DNAJB4: variants seen among roughly 807,000 people sequenced by gnomAD.
DNAJB4 encodes the protein DnaJ heat shock protein family (Hsp40) member B4.
A neutral mutation model predicts 26.6 loss-of-function variants in DNAJB4; 10 were observed. The observed-to-expected ratio is 0.38, with a 90% CI of 0.23 to 0.64. DNAJB4 has a LOEUF of 0.64. Among genes scored for constraint, DNAJB4 ranks in the 30% least tolerant of loss-of-function variants. The probability of loss-of-function intolerance (pLI) is 0.58; values close to 1 mark genes in which losing one functional copy is unlikely to be tolerated. For synonymous variants in DNAJB4, 136 were observed against 134.8 expected, an observed-to-expected ratio of 1.01 and a Z score of -0.06; for missense variants, 328 against 408.2, an observed-to-expected ratio of 0.80 and a Z score of 1.69.
rs1239601349 is a variant in DNAJB4, at chr1:78,017,603, A to G, written c.*1356A>G. 1 of 152,040 alleles carries G rather than the reference A, an allele frequency of 6.6e-6. No individual in the cohort carries two copies. Among genetic ancestry groups the G allele is most frequent in the Non-Finnish European group, 1.5e-5 (1 of 67,916 alleles). The allele number at this position is 152,040 out of a possible 1,614,324, so 9.4% of individuals were successfully genotyped here. A position where few individuals can be genotyped will look rare whatever the true frequency, so the allele number is the denominator to read the frequency against. On this transcript the variant is annotated 3_prime_UTR_variant, in exon 3 of 3. Transcript: ENST00000370763. ...GTGGTACAATCATCATCACTTTCTA[A>G]TTCCAGAATATTTTCATCACCCCAA...
chr1:77,993,581 G>C (rs1368362163), intron 1 of DNAJB4, among the ~76,000 whole-genome samples: 1 of 152,086 alleles, frequency 6.6e-6, no homozygotes, highest in African/African-American at 2.4e-5. Context: ...CTTCTAAGGT[G>C]CTGGGATATA....
Position 77,996,912 on chromosome 1 carries a change from G to A in DNAJB4, c.-31-8168G>A, listed in dbSNP as rs529698101. Among the ~76,000 whole-genome samples, 36 of 152,166 alleles carry A rather than the reference G, an allele frequency of 2.4e-4. 1 individual carries two copies. Among genetic ancestry groups the A allele is most frequent in the East Asian group, 1.4e-3 (7 of 5,174 alleles). ...GGGTGGACTGCGATCACGGCTCACT[G>A]CAACCTTGAGCTCCTGGTCTCAAGT... On this transcript the variant is annotated intron_variant, in intron 1 of 2. Coordinates refer to the DNAJB4 transcript ENST00000426517.
At chr1:77,982,669 A>G (rs1659683283) in intron 1 of DNAJB4, among the ~76,000 whole-genome samples, 1 of 152,218 alleles carries the variant, frequency 6.6e-6, no homozygotes, top group Admixed American at 6.5e-5. Flanking sequence ...ATGGTAGCGG[A>G]CGCCTGTAAT....
At position 78,012,167 on chromosome 1, in the gene DNAJB4, T is replaced by C. The variant is rs1660502856; in HGVS notation, c.212-884T>C. Among the ~76,000 whole-genome samples, 10 of 132,908 alleles carry C rather than the reference T, an allele frequency of 7.5e-5. No homozygotes were observed. In the South Asian group the frequency reaches 2.7e-3, roughly 35 times the overall value. The allele number at this position is 132,908 out of a possible 152,430, so 87.2% of individuals were successfully genotyped here. A position where few individuals can be genotyped will look rare whatever the true frequency, so the allele number is the denominator to read the frequency against. On this transcript the variant is annotated intron_variant, in intron 1 of 2. Transcript: ENST00000370763. Reference sequence around the variant, plus strand: ...TCTTTTTCTTTTCTTTTCTTTTTTTTTTTTTTTTTTTTTGAGACAGAGTCT... The same window carrying C: ...TCTTTTTCTTTTCTTTTCTTTTTTTCTTTTTTTTTTTTTGAGACAGAGTCT...
rs373346954 is a variant in DNAJB4 at position 78,017,768 on chromosome 1, C to T, written c.*1521C>T. The T allele has an allele frequency of 7.0e-6, 1 of 142,218 alleles. No homozygotes were observed. The allele number at this position is 142,218 out of a possible 1,614,324, so 8.8% of individuals were successfully genotyped here. On this transcript the variant is annotated 3_prime_UTR_variant, in exon 3 of 3. Coordinates refer to ENST00000370763, the MANE Select transcript of DNAJB4 (RefSeq NM_007034.5). The stretch of plus-strand genomic sequence containing the variant: ...ATAAATAGACTCAAACAATATATGG[C>T]TTTTTTTTTTTTTGGTCTGGCCTCT...
intron 1 of DNAJB4, among the ~76,000 whole-genome samples, chr1:77,994,655 G>T (rs1156767118): frequency 6.7e-6 from 1 of 149,450 alleles, no homozygotes; most frequent in African/African-American, 2.5e-5. Flanking sequence ...CCACATATAA[G>T]AAAAGAGTAT....
At chr1:78,002,896 C>T (rs1043812701), upstream of DNAJB4, among the ~76,000 whole-genome samples, 7 of 152,004 alleles carry the variant, frequency 4.6e-5, no homozygotes, top group Non-Finnish European at 4.4e-5. Flanking sequence ...GATTTCTTTC[C>T]GTCTGTTAAT....
At chr1:77,979,683 G>A (rs1256647515), upstream of DNAJB4, 2 of 152,224 alleles carry the variant, frequency 1.3e-5, no homozygotes, top group African/African-American at 2.4e-5. Flanking sequence ...TCACGAGGGT[G>A]GGTGTTGAAT....
At chr1:78,015,693 G>T (rs1660623223) in intron 2 of DNAJB4, among the ~76,000 whole-genome samples, 1 of 151,626 alleles carries the variant, frequency 6.6e-6, no homozygotes. Context: ...GGGATTACAG[G>T]CATGTGCCAC....
Position 78,004,944 on chromosome 1 carries a change from T to C in DNAJB4, c.-167T>C. 2.9e-6 allele frequency: 2 copies of C among 680,932 alleles called. No homozygotes were observed. The highest frequency in any genetic ancestry group is 5.1e-6 in the Non-Finnish European group (2 of 395,108). The allele number at this position is 680,932 out of a possible 1,614,324, so 42.2% of individuals were successfully genotyped here. On this transcript the variant is annotated 5_prime_UTR_variant, in exon 1 of 3. Coordinates refer to ENST00000370763, the MANE Select transcript of DNAJB4 (RefSeq NM_007034.5). ...TGTAAGTGAGCCGTTGGGGAAGGAT[T>C]GAATACAGAGACGCTGTCTGCTTGC...
At chr1:77,996,460 A>AT (rs1660062647) in intron 1 of DNAJB4, among the ~76,000 whole-genome samples, 2 of 151,956 alleles carry the variant, frequency 1.3e-5, no homozygotes, top group South Asian at 2.1e-4. Flanking sequence ...TGGCTGATTT[A>AT]TTTTTTTAAG....
At chr1:78,008,442 T>C (rs1205760501) in intron 1 of DNAJB4, among the ~76,000 whole-genome samples, 4 of 152,166 alleles carry the variant, frequency 2.6e-5, no homozygotes, top group African/African-American at 7.2e-5. Context: ...TGCTACACCA[T>C]TGATGAACCT....
intron 1 of DNAJB4, among the ~76,000 whole-genome samples, chr1:77,995,160 C>T (rs1055139656): frequency 3.3e-5 from 5 of 152,108 alleles, no homozygotes; most frequent in Non-Finnish European, 5.9e-5. Context: ...TAAAGTATTT[C>T]ATTGATAATT....
Position 78,013,146 on chromosome 1 carries a change from G to A in DNAJB4, c.307G>A (p.Gly103Arg), listed in dbSNP as rs1245748606. The A allele has an allele frequency of 6.8e-6, 11 of 1,613,926 alleles. No homozygotes were observed. The highest frequency in any genetic ancestry group is 1.7e-5 in the Admixed American group (1 of 59,992). ...TCATGCTACATTTGCTGCATTTTTCGGAGGGTCCAACCCCTTTGAAATTTT... is the reference window on the plus strand; with the variant it reads ...TCATGCTACATTTGCTGCATTTTTCAGAGGGTCCAACCCCTTTGAAATTTT... ...DPHATFAAFFGGSNPFEIFFG... is the reference protein window; with the variant it reads ...DPHATFAAFFRGSNPFEIFFG... Residue 103 changes from glycine (G) to arginine (R), a missense_variant, in exon 2 of 3, where the codon GGA (glycine) becomes AGA (arginine). Gly to Arg is a moderately radical substitution (Grantham distance 125, BLOSUM62 -2). Transcript: ENST00000370763.
chr1:78,005,328 A>T lies in DNAJB4; in HGVS notation c.211+7A>T. ...GATCAGTTTGGGGAGGAAGGTAAGTATTCTCTGTATATCTTTCTGTCTCTT... is the reference window on the plus strand; with the variant it reads ...GATCAGTTTGGGGAGGAAGGTAAGTTTTCTCTGTATATCTTTCTGTCTCTT... On this transcript the variant is annotated splice_region_variant and intron_variant, in intron 1 of 2. Transcript: ENST00000370763. The T allele has an allele frequency of 1.9e-6, 3 of 1,604,080 alleles. No homozygotes were observed. The highest frequency in any genetic ancestry group is 2.6e-6 in the Non-Finnish European group (3 of 1,175,010).
upstream of DNAJB4, among the ~76,000 whole-genome samples, chr1:78,002,646 A>AT (rs1360065478): frequency 6.6e-6 from 1 of 152,172 alleles, no homozygotes; most frequent in Non-Finnish European, 1.5e-5. Flanking sequence ...TTACAAAGCT[A>AT]TAAGTGTGCA....
intron 1 of DNAJB4, among the ~76,000 whole-genome samples, chr1:78,012,159 C>CTTTTTTTTTTTTTT (rs1270987929): frequency 5.6e-5 from 5 of 88,790 alleles, no homozygotes; most frequent in Non-Finnish European, 9.5e-5. Flanking sequence ...CTTTTCTTTT[C>CTTTTTTTTTTTTTT]TTTTTTTTTT....
At chr1:78,014,813 C>T in intron 2 of DNAJB4, among the ~76,000 whole-genome samples, 1 of 152,078 alleles carries the variant, frequency 6.6e-6, no homozygotes, top group East Asian at 1.9e-4. Context: ...GTTGGCCAGG[C>T]TCGTCTTGAA....
chr1:78,013,183 G>C lies in DNAJB4; in HGVS notation c.344G>C (p.Arg115Pro). The part of the protein sequence containing the change: ...SNPFEIFFGR[R>P]MGGGRDSEEM... ...CCCTTTGAAATTTTCTTTGGAAGAC[G>C]AATGGGTGGTGGTAGAGATTCTGAA... Residue 115 changes from arginine (R) to proline (P), a missense_variant, in exon 2 of 3, where the codon CGA becomes CCA. Transcript: ENST00000370763. 1 of 1,614,160 alleles carries C rather than the reference G, an allele frequency of 6.2e-7. No homozygotes were observed. The highest frequency in any genetic ancestry group is 1.3e-5 in the African/African-American group (1 of 75,028).
Sources: gnomAD v4.1 joint callset for allele counts (sites outside exome capture counted in the v4.1 genomes callset) on GRCh38, gnomAD v4.1.1 for gene constraint, MANE v1.5 for transcripts, NCBI Gene and HGNC (gene_info 2026-07-23, HGNC 2026-07-21) for gene names.